Variants in CORO2A observed in about 807,000 individuals in gnomAD.
CORO2A encodes coronin-2A.
CORO2A carries 47 observed loss-of-function variants against 62.4 expected under a neutral mutation model. The ratio of observed to expected loss-of-function variants is 0.75; its 90% CI spans 0.60 to 0.96. The LOEUF (loss-of-function observed/expected upper bound fraction) is 0.96. Ranked by LOEUF, CORO2A falls within the 40% of genes least tolerant of loss-of-function variation. The pLI is 0.00. For synonymous variants in CORO2A, 273 were observed against 268.9 expected, an observed-to-expected ratio of 1.02 and a Z score of -0.15; for missense variants, 610 against 684.1, an observed-to-expected ratio of 0.89 and a Z score of 1.21.
chr9:98,151,655 T>A (rs1321245346), intron 2 of CORO2A, among the ~76,000 whole-genome samples: 1 of 152,096 alleles, frequency 6.6e-6, no homozygotes, highest in African/African-American at 2.4e-5. Flanking sequence ...CACTTTCAAC[T>A]TTTCTTTCGC....
intron 2 of CORO2A, among the ~76,000 whole-genome samples, chr9:98,143,894 G>A (rs1827607669): frequency 6.6e-6 from 1 of 152,184 alleles, no homozygotes; most frequent in Non-Finnish European, 1.5e-5. Flanking sequence ...ATGTTCCCAT[G>A]TCTATAAGAA....
chr9:98,190,199 T>G (rs1292223009), intron 1 of CORO2A, among the ~76,000 whole-genome samples: 3 of 152,172 alleles, frequency 2.0e-5, no homozygotes, highest in Admixed American at 6.5e-5. Context: ...GACAACTTCT[T>G]ACAAATAACA....
Position 98,128,649 on chromosome 9 carries a change from G to A in CORO2A, c.1038C>T (p.Thr346=), listed in dbSNP as rs1827362725. The A allele has an allele frequency of 1.2e-6, 2 of 1,614,092 alleles. No homozygotes were observed. The highest frequency in any genetic ancestry group is 1.7e-6 in the Non-Finnish European group (2 of 1,180,046). The change falls in exon 9 of 12, where the codon ACC becomes ACT. Residue 346 remains threonine, a synonymous_variant. Transcript: ENST00000375077. The part of the protein sequence containing the change: ...EIFRFYKLIT[T]KSLIEPISMI... ...TGGAGATGGGCTCGATGAGGCTTTT[G>A]GTTGTGATCAGCTTGTAGAAGCGGA...
chr9:98,154,112 T>C (rs1020212510), intron 2 of CORO2A, among the ~76,000 whole-genome samples: 2 of 151,968 alleles, frequency 1.3e-5, no homozygotes, highest in African/African-American at 4.8e-5. Context: ...TCCATCTTCA[T>C]GAGTGAGATT....
chr9:98,137,642 C>A lies in CORO2A; in HGVS notation c.248G>T (p.Gly83Val). ...GTTCCACTTGACATCCAAAACGTTG[C>A]CTCTGTGCCCGCAGACTTTTGGGTA... Reference protein sequence around the residue: ...PHYPKVCGHRGNVLDVKWNPF... With the variant: ...PHYPKVCGHRVNVLDVKWNPF... Residue 83 changes from glycine to valine, a missense_variant, in exon 3 of 12, where the codon GGC (glycine) becomes GTC (valine). By Grantham distance (109) the Gly-to-Val change is moderately radical (BLOSUM62 -3). Coordinates refer to ENST00000375077, the MANE Select transcript of CORO2A (RefSeq NM_052820.4). 1.9e-6 allele frequency: 3 copies of A among 1,614,226 alleles called. No homozygotes were observed. The highest frequency in any genetic ancestry group is 2.5e-6 in the Non-Finnish European group (3 of 1,180,054).
intron 5 of CORO2A, 124 bp downstream of exon 5, chr9:98,132,914 G>T: frequency 9.3e-7 from 1 of 1,072,206 alleles, no homozygotes; most frequent in Non-Finnish European, 1.4e-6. Context: ...AGACAGGGAT[G>T]CTGCCTGTGA....
intron 2 of CORO2A, among the ~76,000 whole-genome samples, chr9:98,143,839 G>A (rs1414845451): frequency 6.6e-6 from 1 of 152,204 alleles, no homozygotes; most frequent in Non-Finnish European, 1.5e-5. Context: ...TGAACTAGTG[G>A]CTTGATTGTT....
At chr9:98,135,566 T>C (rs544296390) in intron 3 of CORO2A, among the ~76,000 whole-genome samples, 1 of 151,922 alleles carries the variant, frequency 6.6e-6, no homozygotes, top group Admixed American at 6.6e-5. Flanking sequence ...CCTTCCAGAG[T>C]AGTGTTGTCT....
At chr9:98,170,971 G>T (rs1323596675) in intron 1 of CORO2A, among the ~76,000 whole-genome samples, 1 of 152,192 alleles carries the variant, frequency 6.6e-6, no homozygotes, top group Non-Finnish European at 1.5e-5. Flanking sequence ...GTCCTGCCTG[G>T]ACCTTCTGGA....
At chr9:98,153,522 T>C (rs2118864722) in intron 2 of CORO2A, among the ~76,000 whole-genome samples, 1 of 152,126 alleles carries the variant, frequency 6.6e-6, no homozygotes, top group African/African-American at 2.4e-5. Flanking sequence ...TTCTCCTGCT[T>C]CAGCCTCTCG....
chr9:98,183,232 G>T (rs1002372226), intron 1 of CORO2A, among the ~76,000 whole-genome samples: 5 of 152,202 alleles, frequency 3.3e-5, no homozygotes, highest in Admixed American at 2.0e-4. Context: ...GATGTGGTAG[G>T]TTCCACAGTT....
chr9:98,154,546 C>G (rs149322272), intron 2 of CORO2A, among the ~76,000 whole-genome samples: 1 of 151,896 alleles, frequency 6.6e-6, no homozygotes, highest in African/African-American at 2.4e-5. Flanking sequence ...GCTTTCCAGT[C>G]GTAACCCTCT....
chr9:98,172,261 G>A (rs1383031109), intron 1 of CORO2A, among the ~76,000 whole-genome samples: 5 of 126,304 alleles, frequency 4.0e-5, no homozygotes, highest in African/African-American at 1.5e-4. Context: ...TCCGAGCTCA[G>A]TCCCACACCC....
intron 1 of CORO2A, among the ~76,000 whole-genome samples, chr9:98,176,130 G>A (rs547013147): frequency 2.0e-5 from 3 of 152,250 alleles, no homozygotes; most frequent in South Asian, 2.1e-4. Context: ...AACATTCGGC[G>A]GGGGGTGAGG....
chr9:98,181,294 C>G (rs1159517764), intron 1 of CORO2A, among the ~76,000 whole-genome samples: 1 of 150,910 alleles, frequency 6.6e-6, no homozygotes, highest in Admixed American at 6.6e-5. Context: ...ATCACTAATC[C>G]CAGCCTCCTG....
chr9:98,132,002 C>T (rs1254288373), intron 6 of CORO2A, among the ~76,000 whole-genome samples, 183 bp downstream of exon 6: 3 of 152,208 alleles, frequency 2.0e-5, no homozygotes, highest in South Asian at 4.1e-4. Context: ...GCAAGATACA[C>T]AGGGTCTGGG....
intron 1 of CORO2A, among the ~76,000 whole-genome samples, chr9:98,185,639 C>T (rs1828229833): frequency 6.6e-6 from 1 of 152,208 alleles, no homozygotes; most frequent in Non-Finnish European, 1.5e-5. Flanking sequence ...GGCTCAATTC[C>T]CCAGCCTGGG....
chr9:98,145,752 G>A (rs560613922), intron 2 of CORO2A, among the ~76,000 whole-genome samples: 2 of 152,188 alleles, frequency 1.3e-5, no homozygotes, highest in South Asian at 2.1e-4. Flanking sequence ...TTGCTCTGTC[G>A]CCCAGGCTGG....
At chr9:98,187,282 CAAAAAAAAAAAAA>C (rs60290184) in intron 1 of CORO2A, among the ~76,000 whole-genome samples, 16 of 66,534 alleles carry the variant, frequency 2.4e-4, no homozygotes, top group Middle Eastern at 8.6e-3. Flanking sequence ...GACTCCATCT[CAAAAAAAAAAAAA>C]AAAAAAAAAA....
Sources: allele counts gnomAD v4.1 joint callset (sites outside exome capture counted in the v4.1 genomes callset), GRCh38; gene constraint gnomAD v4.1.1; transcripts MANE v1.5; gene names NCBI Gene and HGNC (gene_info 2026-07-23, HGNC 2026-07-21).